B3GALT1: variants seen among roughly 807,000 people sequenced by gnomAD.
The protein encoded by B3GALT1 is beta-1,3-galactosyltransferase 1.
In B3GALT1, 10 loss-of-function variants were observed where a neutral mutation model predicts 23.2. The ratio of observed to expected loss-of-function variants is 0.43; its 90% CI spans 0.27 to 0.73. The LOEUF (loss-of-function observed/expected upper bound fraction) is 0.73. B3GALT1 is among the 30% of genes least tolerant of loss of function. The pLI is 0.21. For missense variants in B3GALT1, 299 were observed against 405.4 expected, an observed-to-expected ratio of 0.74 and a Z score of 2.25; for synonymous variants, 156 against 141.5, an observed-to-expected ratio of 1.10 and a Z score of -0.73.
chr2:167,697,242 A>G (rs1425629672), intron 3 of B3GALT1, among the ~76,000 whole-genome samples: 1 of 152,238 alleles, frequency 6.6e-6, no homozygotes, highest in Non-Finnish European at 1.5e-5. Context: ...GACGTTGCTC[A>G]TGATTAGAGG....
chr2:167,500,103 C>G (rs963052316), intron 2 of B3GALT1, among the ~76,000 whole-genome samples: 16 of 152,074 alleles, frequency 1.1e-4, no homozygotes, highest in Non-Finnish European at 2.1e-4. Flanking sequence ...AGAAAAACAT[C>G]CAGTTAATGT....
intron 3 of B3GALT1, among the ~76,000 whole-genome samples, chr2:167,796,642 G>A (rs1043090563): frequency 6.6e-6 from 1 of 151,394 alleles, no homozygotes; most frequent in Admixed American, 6.6e-5. Flanking sequence ...CCAGCTATTC[G>A]GGAGGCTGAG....
At chr2:167,796,191 C>A (rs1386405666) in intron 3 of B3GALT1, among the ~76,000 whole-genome samples, 1 of 152,136 alleles carries the variant, frequency 6.6e-6, no homozygotes, top group Non-Finnish European at 1.5e-5. Flanking sequence ...TCACATTTCT[C>A]ACCTTTGTAC....
intron 2 of B3GALT1, among the ~76,000 whole-genome samples, chr2:167,537,245 A>T (rs1232984366): frequency 1.3e-5 from 2 of 152,070 alleles, no homozygotes; most frequent in African/African-American, 4.8e-5. Flanking sequence ...AGACTTATTC[A>T]TTCACTACCA....
chr2:167,667,329 C>G (rs1686218333), intron 3 of B3GALT1, among the ~76,000 whole-genome samples: 2 of 152,234 alleles, frequency 1.3e-5, no homozygotes, highest in Admixed American at 1.3e-4. Flanking sequence ...AGCTGTTAGT[C>G]TGAGGGGCTT....
intron 1 of B3GALT1, among the ~76,000 whole-genome samples, chr2:167,391,384 G>T (rs1698012494): frequency 6.6e-6 from 1 of 152,166 alleles, no homozygotes; most frequent in Admixed American, 6.5e-5. Context: ...TCACATAACA[G>T]TTTCGCTGCT....
rs1553467650 is a variant in B3GALT1 at position 167,562,666 on chromosome 2, T to TA, written c.-410+72391dup. 1.6e-3 allele frequency among the ~76,000 whole-genome samples: 238 copies of TA among 150,412 alleles called. 1 individual carries two copies. Among genetic ancestry groups the TA allele is most frequent in the African/African-American group, 5.7e-3 (229 of 40,322 alleles). On this transcript the variant is annotated intron_variant, in intron 2 of 4. Coordinates refer to ENST00000392690, the MANE Select transcript of B3GALT1 (RefSeq NM_020981.4). ...CAAGCATTCTTTTTTTTTTTTTTTTTAATTGATCATTCTTGGGTGTTTCTC... is the reference window on the plus strand; with the variant it reads ...CAAGCATTCTTTTTTTTTTTTTTTTTAAATTGATCATTCTTGGGTGTTTCTC...
chr2:167,699,275 T>G (rs1686836993), intron 3 of B3GALT1, among the ~76,000 whole-genome samples: 1 of 152,022 alleles, frequency 6.6e-6, no homozygotes, highest in Admixed American at 6.6e-5. Flanking sequence ...CAGAGGCATA[T>G]CTTTATAAAG....
intron 4 of B3GALT1, among the ~76,000 whole-genome samples, chr2:167,859,840 C>T (rs1004725029): frequency 2.6e-5 from 4 of 152,208 alleles, no homozygotes; most frequent in Middle Eastern, 3.4e-3. Context: ...TTCCTATGAG[C>T]GTTCAGGGAT....
At chr2:167,384,698 T>C (rs1036877486) in intron 1 of B3GALT1, among the ~76,000 whole-genome samples, 3 of 152,112 alleles carry the variant, frequency 2.0e-5, no homozygotes, top group Non-Finnish European at 4.4e-5. Context: ...AGCTTGTCTT[T>C]CTTGCATTAT....
intron 1 of B3GALT1, among the ~76,000 whole-genome samples, chr2:167,407,103 T>C (rs1242026039): frequency 6.6e-6 from 1 of 152,104 alleles, no homozygotes; most frequent in African/African-American, 2.4e-5. Flanking sequence ...ACAGAACAAA[T>C]CTGAATGAAT....
intron 1 of B3GALT1, among the ~76,000 whole-genome samples, chr2:167,366,881 T>G (rs1697594718): frequency 6.6e-6 from 1 of 152,224 alleles, no homozygotes; most frequent in Non-Finnish European, 1.5e-5. Context: ...GCAGTTGGAC[T>G]TCTGACAGGG....
intron 1 of B3GALT1, among the ~76,000 whole-genome samples, chr2:167,357,660 T>C (rs1467006217): frequency 6.6e-6 from 1 of 152,164 alleles, no homozygotes; most frequent in East Asian, 1.9e-4. Flanking sequence ...TGCTGGCAGG[T>C]TCACTATTCA....
intron 4 of B3GALT1, among the ~76,000 whole-genome samples, chr2:167,861,781 G>C (rs901763962): frequency 2.0e-5 from 3 of 152,130 alleles, no homozygotes; most frequent in Non-Finnish European, 4.4e-5. Context: ...GTAAGAGAGA[G>C]GAGACATTTG....
chr2:167,679,930 T>G (rs1686497816), intron 3 of B3GALT1, among the ~76,000 whole-genome samples: 1 of 152,250 alleles, frequency 6.6e-6, no homozygotes, highest in Non-Finnish European at 1.5e-5. Flanking sequence ...GGTGATATAC[T>G]TATTTCATGG....
chr2:167,759,872 G>T (rs1687874206), intron 3 of B3GALT1, among the ~76,000 whole-genome samples: 1 of 152,184 alleles, frequency 6.6e-6, no homozygotes. Flanking sequence ...CTATAGATTT[G>T]CATGGATTTT....
At chr2:167,677,941 A>G (rs1355979975) in intron 3 of B3GALT1, among the ~76,000 whole-genome samples, 3 of 152,194 alleles carry the variant, frequency 2.0e-5, no homozygotes, top group Non-Finnish European at 1.5e-5. Context: ...GTGAGAACGC[A>G]TCCACTATCA....
chr2:167,657,843 G>C (rs1178432586), intron 3 of B3GALT1, among the ~76,000 whole-genome samples: 1 of 151,914 alleles, frequency 6.6e-6, no homozygotes, highest in Non-Finnish European at 1.5e-5. Context: ...TATTTTATTA[G>C]TTTCAAACTG....
intron 2 of B3GALT1, among the ~76,000 whole-genome samples, chr2:167,620,494 G>A (rs1470041737): frequency 5.3e-5 from 8 of 152,040 alleles, no homozygotes; most frequent in Admixed American, 2.6e-4. Flanking sequence ...GGGATTGAAA[G>A]TACAATCAAT....
Sources: gnomAD v4.1 joint callset for allele counts (sites outside exome capture counted in the v4.1 genomes callset) on GRCh38, gnomAD v4.1.1 for gene constraint, MANE v1.5 for transcripts, NCBI Gene and HGNC (gene_info 2026-07-23, HGNC 2026-07-21) for gene names.